Variants in ME2 observed in about 807,000 individuals in gnomAD.
ME2 encodes NAD-dependent malic enzyme, mitochondrial.
In ME2, 60 loss-of-function variants were observed where a neutral mutation model predicts 73.7. That is an observed-to-expected ratio of 0.81 (90% CI 0.66 to 1.01). The LOEUF is 1.01. ME2 is among the 50% of genes least tolerant of loss of function. ME2 has a pLI of 0.00. For missense variants in ME2, 594 were observed against 705.5 expected (o/e 0.84, Z 1.79); for synonymous variants, 199 against 236.9 (o/e 0.84, Z 1.47).
intron 3 of ME2, among the ~76,000 whole-genome samples, chr18:50,908,587 A>G (rs1917070334): frequency 6.6e-6 from 1 of 152,210 alleles, no homozygotes; most frequent in South Asian, 2.1e-4. Context: ...CACCTAATCT[A>G]GGATACTTTG....
In ME2 at chr18:50,951,173, T is replaced by C. The variant is rs892160279; in HGVS notation, c.*3989T>C. 2.6e-5 allele frequency: 4 copies of C among 152,256 alleles called. No homozygotes were observed. The South Asian group carries it at 8.3e-4, about 31-fold the overall frequency. The allele number at this position is 152,256 out of a possible 1,614,324, so 9.4% of individuals were successfully genotyped here. On this transcript the variant is annotated 3_prime_UTR_variant, in exon 16 of 16. Transcript: ENST00000321341. ...AATGGACATTTATTTCTCTTAGTTT[T>C]CTTATGACATGACTTGCCTTATATC...
intron 12 of ME2, among the ~76,000 whole-genome samples, chr18:50,926,346 G>T (rs528370158): frequency 6.6e-6 from 1 of 152,180 alleles, no homozygotes; most frequent in African/African-American, 2.4e-5. Flanking sequence ...TTTTCACTCT[G>T]CATAGACGTA....
intron 13 of ME2, chr18:50,935,751 CAAAA>C (rs34993879): frequency 8.7e-5 from 5 of 57,302 alleles, no homozygotes; most frequent in African/African-American, 2.3e-4. Flanking sequence ...GACCCTGTCT[CAAAA>C]AAAAAAAAAA....
intron 3 of ME2, among the ~76,000 whole-genome samples, chr18:50,911,797 G>T (rs1180405169): frequency 6.6e-6 from 1 of 152,184 alleles, no homozygotes; most frequent in South Asian, 2.1e-4. Flanking sequence ...TATTTTAGGA[G>T]CTTGAGCCTT....
rs560718366 is a variant in ME2 at position 50,895,687 on chromosome 18, T to TA, written c.-12-121dup. 1.1e-4 allele frequency: 73 copies of TA among 642,758 alleles called. No individual in the cohort carries two copies. In the African/African-American group the frequency reaches 1.2e-3, roughly 11 times the overall value. The allele number at this position is 642,758 out of a possible 1,614,324, so 39.8% of individuals were successfully genotyped here. On this transcript the variant is annotated intron_variant, in intron 1 of 15. Transcript: ENST00000321341. ...GTAAGTTTTCACCTTCGCCTCTTGT[T>TA]ACCTTTTTAAAACTGTTGCAGCCTG...
rs530779098 is a variant in ME2, at chr18:50,934,271, G to C, written c.1417+1911G>C. 6 of 152,188 alleles carry C rather than the reference G, an allele frequency of 3.9e-5. No homozygotes were observed. In the South Asian group the frequency reaches 1.0e-3, roughly 26 times the overall value. 9.4% of individuals were successfully genotyped at this position (152,188 alleles called of 1,614,324 possible). ...TTTTATATCATATCTGAGTATTAAGGAATTTAGCAGTTGATTATTTTTATA... is the reference window on the plus strand; with the variant it reads ...TTTTATATCATATCTGAGTATTAAGCAATTTAGCAGTTGATTATTTTTATA... On this transcript the variant is annotated intron_variant, in intron 13 of 15. Coordinates refer to ENST00000321341, the MANE Select transcript of ME2 (RefSeq NM_002396.5).
intron 2 of ME2, 79 bp from the exon 3 acceptor site, chr18:50,907,984 T>G (rs1409707805): frequency 8.9e-7 from 1 of 1,127,362 alleles, no homozygotes; most frequent in Non-Finnish European, 1.2e-6. Flanking sequence ...AAATTTGCAT[T>G]TAAATTATAT....
intron 7 of ME2, 127 bp from the exon 8 acceptor site, chr18:50,920,329 T>G (rs1314952680): frequency 3.1e-6 from 2 of 640,430 alleles, no homozygotes; most frequent in East Asian, 6.5e-5. Context: ...CTCTGAAATT[T>G]TTCAGATGGC....
chr18:50,940,419 T>C, intron 15 of ME2, 33 bp downstream of exon 15: 1 of 1,280,802 alleles, frequency 7.8e-7, no homozygotes, highest in Non-Finnish European at 1.1e-6. Context: ...TCACATTAAT[T>C]TTAATGACAT....
At chr18:50,900,868 T>C (rs1267025969) in intron 2 of ME2, among the ~76,000 whole-genome samples, 3 of 152,202 alleles carry the variant, frequency 2.0e-5, no homozygotes, top group African/African-American at 7.2e-5. Flanking sequence ...ATTGTAAGTT[T>C]CCTGAGGTCT....
chr18:50,944,553 G>C (rs1490927397), intron 15 of ME2, among the ~76,000 whole-genome samples: 1 of 152,174 alleles, frequency 6.6e-6, no homozygotes, highest in Non-Finnish European at 1.5e-5. Flanking sequence ...CCAGGACCAA[G>C]GGGAGCTTTC....
intron 2 of ME2, among the ~76,000 whole-genome samples, chr18:50,899,459 A>G (rs943347333): frequency 6.6e-6 from 1 of 152,172 alleles, no homozygotes; most frequent in Non-Finnish European, 1.5e-5. Context: ...TACCAAAAAT[A>G]TAAAAAAATT....
At chr18:50,892,761 A>G (rs1329205912) in intron 1 of ME2, among the ~76,000 whole-genome samples, 4 of 152,190 alleles carry the variant, frequency 2.6e-5, no homozygotes, top group African/African-American at 4.8e-5. Flanking sequence ...AAATGGGCCC[A>G]AAATAATGCT....
At chr18:50,900,895 CTG>C (rs1451553909) in intron 2 of ME2, among the ~76,000 whole-genome samples, 2 of 152,194 alleles carry the variant, frequency 1.3e-5, no homozygotes, top group Non-Finnish European at 2.9e-5. Context: ...CCATGTGGAA[CTG>C]TGAGTCAGTT....
At chr18:50,940,858 A>G (rs2144269047) in intron 15 of ME2, among the ~76,000 whole-genome samples, 1 of 152,274 alleles carries the variant, frequency 6.6e-6, no homozygotes, top group East Asian at 1.9e-4. Flanking sequence ...ATTCTCATGT[A>G]TGTGATCATT....
At chr18:50,901,293 C>T (rs1226675392) in intron 2 of ME2, among the ~76,000 whole-genome samples, 1 of 152,174 alleles carries the variant, frequency 6.6e-6, no homozygotes, top group Non-Finnish European at 1.5e-5. Context: ...TTCTATCTTA[C>T]ATTTCTCATT....
intron 3 of ME2, among the ~76,000 whole-genome samples, chr18:50,911,643 T>C (rs994274348): frequency 1.3e-5 from 2 of 152,092 alleles, no homozygotes; most frequent in Non-Finnish European, 2.9e-5. Flanking sequence ...GGAGCGCACA[T>C]GTATAGGACT....
intron 12 of ME2, among the ~76,000 whole-genome samples, chr18:50,931,301 T>C (rs1917683997): frequency 6.6e-6 from 1 of 152,230 alleles, no homozygotes; most frequent in African/African-American, 2.4e-5. Context: ...CATGCCTGTG[T>C]TATAAACTGC....
chr18:50,920,325 A>G (rs1230359674), intron 7 of ME2, 131 bp from the exon 8 acceptor site: 14 of 625,012 alleles, frequency 2.2e-5, no homozygotes, highest in Non-Finnish European at 3.8e-5. Context: ...CAGGCTCTGA[A>G]ATTTTTCAGA....
Sources: gnomAD v4.1 joint callset for allele counts (sites outside exome capture counted in the v4.1 genomes callset) on GRCh38, gnomAD v4.1.1 for gene constraint, MANE v1.5 for transcripts, NCBI Gene and HGNC (gene_info 2026-07-23, HGNC 2026-07-21) for gene names.